Variants in ZNF451 observed in about 807,000 individuals in gnomAD.
ZNF451 encodes zinc finger protein 451, also known as E3 SUMO-protein ligase ZNF451.
ZNF451 carries 80 observed loss-of-function variants against 107.1 expected under a neutral mutation model. The observed-to-expected ratio is 0.75, with a 90% CI of 0.62 to 0.90. The LOEUF (loss-of-function observed/expected upper bound fraction) is 0.90. Among genes scored for constraint, ZNF451 ranks in the 40% least tolerant of loss-of-function variants. The pLI is 0.00. For missense variants in ZNF451, 1,107 were observed against 1,236.2 expected, an observed-to-expected ratio of 0.90 and a Z score of 1.57; for synonymous variants, 362 against 406.5, an observed-to-expected ratio of 0.89 and a Z score of 1.32.
intron 2 of ZNF451, among the ~76,000 whole-genome samples, chr6:57,096,176 G>GTTTTTTTTTTTT (rs749589304): frequency 5.1e-5 from 3 of 58,448 alleles, no homozygotes; most frequent in Non-Finnish European, 9.1e-5. Context: ...CTTTCTTTCT[G>GTTTTTTTTTTTT]TTTTTTTTTT....
intron 3 of ZNF451, chr6:57,103,286 C>G (rs1829692917): frequency 1.0e-6 from 1 of 985,396 alleles, no homozygotes; most frequent in African/African-American, 1.7e-5. Context: ...CCACACAGCT[C>G]TGTTTCTGGA....
At chr6:57,105,176 A>C in intron 3 of ZNF451, 1 of 985,346 alleles carries the variant, frequency 1.0e-6, no homozygotes, top group South Asian at 4.7e-5. Context: ...TACTAGGCCA[A>C]CCTCTAACGT....
rs144087447 is a variant in ZNF451, at chr6:57,100,434, C to T, written c.186+1293C>T. ...GTAGTGAAGCTTGTGGATTTGACTT[C>T]TCTGATTCCTTTTGCTGACCTTGAG... On this transcript the variant is annotated intron_variant, in intron 3 of 14. Coordinates refer to ENST00000370706, the MANE Select transcript of ZNF451 (RefSeq NM_001031623.3). Among the ~76,000 whole-genome samples the T allele has an allele frequency of 6.1e-3, 930 of 152,210 alleles. 9 individuals carry two copies. The highest frequency in any genetic ancestry group is 0.037 in the Middle Eastern group (11 of 294).
intron 14 of ZNF451, chr6:57,165,567 ATTTTTCATTTTAGTTATTGTAC>A (rs1763861418): frequency 6.6e-6 from 1 of 151,974 alleles, no homozygotes; most frequent in African/African-American, 2.4e-5. Context: ...CCCTCTAAAG[ATTTTTCATTTTAGTTATTGTAC>A]TTTTCAGTTC....
chr6:57,106,308 C>CT (rs762834645), intron 3 of ZNF451: 113,121 of 799,918 alleles, frequency 0.14, 1,483 homozygotes, highest in African/African-American at 0.15. Flanking sequence ...TAAGTGAAAT[C>CT]TTTTTTTTTT....
chr6:57,095,350 A>T (rs1265065359), intron 2 of ZNF451, among the ~76,000 whole-genome samples: 10 of 110,412 alleles, frequency 9.1e-5, no homozygotes, highest in South Asian at 5.7e-4. Context: ...TTTTTTTTTT[A>T]AAGAGATAGG....
At chr6:57,166,573 A>G (rs1763909614) in intron 14 of ZNF451, among the ~76,000 whole-genome samples, 3 of 152,224 alleles carry the variant, frequency 2.0e-5, no homozygotes, top group Non-Finnish European at 4.4e-5. Flanking sequence ...AAACACATAT[A>G]TATTAGCTTA....
intron 3 of ZNF451, chr6:57,115,683 A>C (rs763923526): frequency 6.6e-6 from 1 of 152,166 alleles, no homozygotes; most frequent in Non-Finnish European, 1.5e-5. Context: ...ATTCTATGCA[A>C]TTCTGGGTAT....
chr6:57,099,778 C>G (rs556416291), intron 3 of ZNF451, among the ~76,000 whole-genome samples: 30 of 152,242 alleles, frequency 2.0e-4, no homozygotes, highest in African/African-American at 7.2e-4. Context: ...TTGCTTTAGC[C>G]CAAACTTCTG....
intron 3 of ZNF451, among the ~76,000 whole-genome samples, chr6:57,119,865 T>C (rs1426487414): frequency 6.6e-6 from 1 of 152,184 alleles, no homozygotes; most frequent in East Asian, 1.9e-4. Flanking sequence ...CTTTTTTTTT[T>C]TTTGGTAGGT....
At chr6:57,163,436 C>CTTTTTTTTATTTTT (rs1763757432) in intron 14 of ZNF451, among the ~76,000 whole-genome samples, 1 of 30,332 alleles carries the variant, frequency 3.3e-5, no homozygotes, top group Non-Finnish European at 6.1e-5. Flanking sequence ...AATGAATAAA[C>CTTTTTTTTATTTTT]TTTTTTTTTT....
At chr6:57,134,591 C>T (rs2058485843) in intron 6 of ZNF451, among the ~76,000 whole-genome samples, 153 bp from the exon 7 acceptor site, 1 of 152,196 alleles carries the variant, frequency 6.6e-6, no homozygotes, top group Non-Finnish European at 1.5e-5. Context: ...TTGATATTTA[C>T]TGTATATGAA....
chr6:57,099,721 A>G (rs1829496829), intron 3 of ZNF451: 1 of 503,506 alleles, frequency 2.0e-6, no homozygotes, highest in South Asian at 3.3e-5. Flanking sequence ...TGCTCTGAGA[A>G]TTGAACTAGT....
intron 13 of ZNF451, among the ~76,000 whole-genome samples, chr6:57,160,114 A>G (rs956758604): frequency 1.3e-5 from 2 of 152,312 alleles, no homozygotes; most frequent in East Asian, 1.9e-4. Context: ...TAGATTTACA[A>G]AAAAGTTGTG....
At chr6:57,106,862 G>A (rs765085965) in intron 3 of ZNF451, 9 of 971,522 alleles carry the variant, frequency 9.3e-6, no homozygotes, top group South Asian at 4.8e-5. Context: ...GAAGTTATCA[G>A]TAAACTGGTG....
chr6:57,152,234 T>C lies in ZNF451; in HGVS notation c.2766T>C (p.Asn922=), dbSNP rs1409028658. The change falls in exon 12 of 15, where the codon AAT becomes AAC. Residue 922 remains asparagine, a synonymous_variant. Transcript: ENST00000370706. ...TAAAATTAATAGGAGGAAACACCAA[T>C]TGGAAGCCTCCGCTCAACTGTAAGA... The part of the protein sequence containing the change: ...FIWGFQGGNT[N]WKPPLNCKIY... 2.5e-6 allele frequency: 4 copies of C among 1,611,442 alleles called. No homozygotes were observed. The highest frequency in any genetic ancestry group is 1.3e-5 in the African/African-American group (1 of 74,990).
chr6:57,124,638 A>G, intron 3 of ZNF451, 96 bp from the exon 4 acceptor site: 1 of 900,920 alleles, frequency 1.1e-6, no homozygotes. Context: ...AACTCAAGTA[A>G]ATGGTTCTTT....
chr6:57,099,005 G>T, intron 2 of ZNF451, 56 bp from the exon 3 acceptor site: 1 of 1,402,224 alleles, frequency 7.1e-7, no homozygotes, highest in Non-Finnish European at 1.0e-6. Context: ...AGGTTTAAAT[G>T]CTAATTTGGT....
Position 57,148,383 on chromosome 6 carries a change from C to T in ZNF451, c.2298C>T (p.Thr766=), listed in dbSNP as rs377197896. 1.3e-5 allele frequency: 21 copies of T among 1,613,752 alleles called. No individual in the cohort carries two copies. Among genetic ancestry groups the T allele is most frequent in the South Asian group, 2.2e-5 (2 of 91,032 alleles). Residue 766 remains threonine (T), a synonymous_variant, in exon 10 of 15, where the codon ACC becomes ACT. Transcript: ENST00000370706. ...GTTCGGCAACAGCACAGAATTTAAC[C>T]GACATGAACACTCATATCCATCAAG... The part of the protein sequence containing the change: ...SLCSATAQNL[T]DMNTHIHQVH...
Sources: allele counts gnomAD v4.1 joint callset (sites outside exome capture counted in the v4.1 genomes callset), GRCh38; gene constraint gnomAD v4.1.1; transcripts MANE v1.5; gene names NCBI Gene and HGNC (gene_info 2026-07-23, HGNC 2026-07-21).